Variants in C1orf21 observed in about 807,000 individuals in gnomAD.
The protein encoded by C1orf21 is uncharacterized protein C1orf21.
C1orf21 carries 3 observed loss-of-function variants against 18.7 expected under a neutral mutation model. The observed-to-expected ratio is 0.16, with a 90% CI of 0.07 to 0.42. The LOEUF (loss-of-function observed/expected upper bound fraction) is 0.42. Ranked by LOEUF, C1orf21 falls within the 10% of genes least tolerant of loss-of-function variation. C1orf21 has a pLI of 0.99. For synonymous variants in C1orf21, 41 were observed against 46.4 expected (o/e 0.88, Z 0.47); for missense variants, 104 against 143.6 (o/e 0.72, Z 1.41).
At chr1:184,527,981 C>T (rs1047597686) in intron 3 of C1orf21, among the ~76,000 whole-genome samples, 5 of 152,162 alleles carry the variant, frequency 3.3e-5, no homozygotes, top group Non-Finnish European at 5.9e-5. Context: ...TATTCCAGAA[C>T]CTCTTTGTGC....
intron 3 of C1orf21, among the ~76,000 whole-genome samples, chr1:184,550,518 GTTTGTTTC>G (rs1658796352): frequency 6.6e-6 from 1 of 152,062 alleles, no homozygotes; most frequent in Non-Finnish European, 1.5e-5. Context: ...TTTATGTTTT[GTTTGTTTC>G]TTTGTTTGTT....
chr1:184,431,606 A>T (rs1052344521), intron 1 of C1orf21, among the ~76,000 whole-genome samples: 2 of 152,244 alleles, frequency 1.3e-5, no homozygotes, highest in Non-Finnish European at 2.9e-5. Context: ...AACAAAAGCC[A>T]AAATTGACAA....
intron 1 of C1orf21, among the ~76,000 whole-genome samples, chr1:184,418,137 C>G (rs895820177): frequency 3.3e-5 from 5 of 151,142 alleles, no homozygotes; most frequent in African/African-American, 1.2e-4. Context: ...GATCCTGTCT[C>G]CTTTGTGGCC....
At chr1:184,461,974 C>T (rs1657313203) in intron 1 of C1orf21, among the ~76,000 whole-genome samples, 1 of 152,114 alleles carries the variant, frequency 6.6e-6, no homozygotes, top group African/African-American at 2.4e-5. Context: ...TAGAAATGCC[C>T]ATTAGAAACC....
intron 1 of C1orf21, among the ~76,000 whole-genome samples, chr1:184,446,832 T>C (rs1484667061): frequency 1.3e-5 from 2 of 150,378 alleles, no homozygotes; most frequent in Non-Finnish European, 3.0e-5. Flanking sequence ...AGTGGTAGTA[T>C]GGTTATGATT....
chr1:184,448,347 G>A (rs566235892), intron 1 of C1orf21, among the ~76,000 whole-genome samples: 53 of 152,310 alleles, frequency 3.5e-4, no homozygotes, highest in African/African-American at 1.1e-3. Context: ...GCCTCCCAAA[G>A]TGCTGGGATT....
At chr1:184,513,011 C>G (rs1400048130) in intron 3 of C1orf21, among the ~76,000 whole-genome samples, 1 of 152,214 alleles carries the variant, frequency 6.6e-6, no homozygotes, top group Non-Finnish European at 1.5e-5. Flanking sequence ...AGTGAGGGAT[C>G]TAGGTTGCAT....
At chr1:184,553,379 A>G (rs571019144) in intron 3 of C1orf21, among the ~76,000 whole-genome samples, 24 of 152,086 alleles carry the variant, frequency 1.6e-4, no homozygotes, top group Admixed American at 7.2e-4. Context: ...GTTTCATTCT[A>G]TTTTTCTTTT....
Position 184,625,009 on chromosome 1 carries a change from T to C in C1orf21, c.*5453T>C, listed in dbSNP as rs1040052193. 1 of 152,220 alleles carries C rather than the reference T, an allele frequency of 6.6e-6. No individual in the cohort carries two copies. Among genetic ancestry groups the C allele is most frequent in the Non-Finnish European group, 1.5e-5 (1 of 68,026 alleles). 9.4% of individuals were successfully genotyped at this position (152,220 alleles called of 1,614,324 possible). On this transcript the variant is annotated 3_prime_UTR_variant, in exon 6 of 6. Coordinates refer to ENST00000235307, the MANE Select transcript of C1orf21 (RefSeq NM_030806.4). Reference sequence around the variant, plus strand: ...TCTGGCCCCCAAGATCCTGCTTCTTTCTAACCTGGCAGCTGTCATGTCCCT... The same window carrying C: ...TCTGGCCCCCAAGATCCTGCTTCTTCCTAACCTGGCAGCTGTCATGTCCCT...
chr1:184,472,426 C>T (rs1465495408), intron 1 of C1orf21, among the ~76,000 whole-genome samples: 2 of 151,916 alleles, frequency 1.3e-5, no homozygotes, highest in South Asian at 2.1e-4. Flanking sequence ...ACTTTTAATT[C>T]GTATTTTAGA....
At chr1:184,451,775 A>G (rs1657127373) in intron 1 of C1orf21, among the ~76,000 whole-genome samples, 1 of 152,238 alleles carries the variant, frequency 6.6e-6, no homozygotes, top group Non-Finnish European at 1.5e-5. Context: ...CCAAATGAGC[A>G]TATTGCACAT....
intron 3 of C1orf21, among the ~76,000 whole-genome samples, chr1:184,527,598 C>T (rs537303642): frequency 5.6e-4 from 85 of 152,100 alleles, no homozygotes; most frequent in African/African-American, 1.9e-3. Context: ...GTGATGGGAC[C>T]GGGAGTAAGG....
chr1:184,613,077 G>A (rs1659763386), intron 5 of C1orf21, among the ~76,000 whole-genome samples: 1 of 152,080 alleles, frequency 6.6e-6, no homozygotes, highest in Non-Finnish European at 1.5e-5. Flanking sequence ...AGCCTCCCGA[G>A]TAGCTGGGAT....
chr1:184,613,468 TA>T (rs1268374653), intron 5 of C1orf21, among the ~76,000 whole-genome samples: 1 of 152,204 alleles, frequency 6.6e-6, no homozygotes, highest in Admixed American at 6.5e-5. Context: ...AGTTCCAAGC[TA>T]TTCATGTAAC....
At chr1:184,575,611 T>TAAAAAAAAAAAAAAAA (rs59167087) in intron 3 of C1orf21, among the ~76,000 whole-genome samples, 4 of 83,430 alleles carry the variant, frequency 4.8e-5, no homozygotes, top group East Asian at 3.0e-4. Context: ...CACAAAAAGG[T>TAAAAAAAAAAAAAAAA]AAAAAAAAAA....
chr1:184,448,865 T>C (rs960277097), intron 1 of C1orf21, among the ~76,000 whole-genome samples: 2 of 152,152 alleles, frequency 1.3e-5, no homozygotes, highest in Admixed American at 1.3e-4. Flanking sequence ...TCTAAGTTCC[T>C]CTACTTCCTC....
At chr1:184,393,780 G>A (rs563499500) in intron 1 of C1orf21, among the ~76,000 whole-genome samples, 1 of 152,160 alleles carries the variant, frequency 6.6e-6, no homozygotes, top group East Asian at 1.9e-4. Flanking sequence ...CACCAAATTC[G>A]GCTTGCTAAT....
At chr1:184,543,778 C>A (rs2038308) in intron 3 of C1orf21, among the ~76,000 whole-genome samples, 2 of 151,950 alleles carry the variant, frequency 1.3e-5, no homozygotes, top group African/African-American at 4.8e-5. Flanking sequence ...AGGAGACTTA[C>A]AATGATTTCA....
At chr1:184,509,993 C>T (rs766984665) in intron 3 of C1orf21, among the ~76,000 whole-genome samples, 7 of 152,098 alleles carry the variant, frequency 4.6e-5, no homozygotes, top group Non-Finnish European at 1.0e-4. Flanking sequence ...GTGAGTACTG[C>T]GTGAGATGAT....
Sources: gnomAD v4.1 joint callset for allele counts (sites outside exome capture counted in the v4.1 genomes callset) on GRCh38, gnomAD v4.1.1 for gene constraint, MANE v1.5 for transcripts, NCBI Gene and HGNC (gene_info 2026-07-23, HGNC 2026-07-21) for gene names.